The following MAP3K5 variants were observed in gnomAD, a reference collection of about 807,000 sequenced individuals.
MAP3K5 encodes the protein mitogen-activated protein kinase kinase kinase 5, also known as ASK-1.
Under a neutral mutation model 158.7 loss-of-function variants are expected in MAP3K5, and 56 were observed. The observed-to-expected ratio is 0.35, with a 90% CI of 0.28 to 0.44. MAP3K5 has a LOEUF of 0.44. Among genes scored for constraint, MAP3K5 ranks in the 20% least tolerant of loss-of-function variants. MAP3K5 has a pLI of 1.00. For missense variants in MAP3K5, 1,294 were observed against 1,674.8 expected (o/e 0.77, Z 3.97); for synonymous variants, 579 against 601.7 (o/e 0.96, Z 0.55).
chr6:136,667,926 T>C (rs563971497), intron 8 of MAP3K5, among the ~76,000 whole-genome samples: 1 of 152,256 alleles, frequency 6.6e-6, no homozygotes, highest in South Asian at 2.1e-4. Context: ...TACTTTATCA[T>C]TCTTTTAGTC....
At chr6:136,640,559 C>G (rs919826959) in intron 12 of MAP3K5, among the ~76,000 whole-genome samples, 1 of 152,208 alleles carries the variant, frequency 6.6e-6, no homozygotes, top group Admixed American at 6.5e-5. Flanking sequence ...GAAAGACTTC[C>G]TCTTACACCT....
At chr6:136,689,454 C>T (rs1041201580) in intron 7 of MAP3K5, among the ~76,000 whole-genome samples, 1 of 152,142 alleles carries the variant, frequency 6.6e-6, no homozygotes, top group Non-Finnish European at 1.5e-5. Context: ...CTCCTTCTCC[C>T]CATTACCCTA....
intron 1 of MAP3K5, 37 bp downstream of exon 1, chr6:136,791,673 C>T (rs1406268357): frequency 3.7e-6 from 6 of 1,607,928 alleles, no homozygotes; most frequent in Admixed American, 1.7e-5. Flanking sequence ...AACGCGGGTC[C>T]CGACCGCGCG....
At position 136,707,718 on chromosome 6, in the gene MAP3K5, C is replaced by T. The variant is rs114931917; in HGVS notation, c.589-2585G>A. 5.1e-3 allele frequency among the ~76,000 whole-genome samples: 772 copies of T among 152,290 alleles called. 5 individuals are homozygous for T. Among genetic ancestry groups the T allele is most frequent in the African/African-American group, 0.017 (688 of 41,550 alleles). ...TGCTCTGTGAGCACCTGGCAGTCAA[C>T]GTGTTTTTTAAGGTGAGTGATATGT... On this transcript the variant is annotated intron_variant, in intron 2 of 29. Transcript: ENST00000359015.
chr6:136,671,109 A>G (rs1200552558), intron 7 of MAP3K5, among the ~76,000 whole-genome samples: 2 of 152,330 alleles, frequency 1.3e-5, no homozygotes, highest in East Asian at 1.9e-4. Flanking sequence ...CTACCAATTC[A>G]TATCAAGATA....
At chr6:136,628,890 A>AG (rs1340347088) in intron 14 of MAP3K5, among the ~76,000 whole-genome samples, 1 of 152,222 alleles carries the variant, frequency 6.6e-6, no homozygotes, top group African/African-American at 2.4e-5. Context: ...AAGAAACAAG[A>AG]GACTGGTTCA....
At chr6:136,637,097 T>C (rs1395988264) in intron 14 of MAP3K5, 19 of 1,388,100 alleles carry the variant, frequency 1.4e-5, no homozygotes, top group Non-Finnish European at 1.6e-5. Flanking sequence ...AGTTACTCGC[T>C]ATCAGGTAAG....
chr6:136,596,605 G>C (rs1775643848), intron 21 of MAP3K5, among the ~76,000 whole-genome samples: 1 of 152,232 alleles, frequency 6.6e-6, no homozygotes, highest in Non-Finnish European at 1.5e-5. Flanking sequence ...GGGAGAGGCA[G>C]AAGCTGGAGG....
At chr6:136,767,033 T>C (rs1783995081) in intron 1 of MAP3K5, among the ~76,000 whole-genome samples, 1 of 152,208 alleles carries the variant, frequency 6.6e-6, no homozygotes, top group Non-Finnish European at 1.5e-5. Flanking sequence ...TGATAAATTA[T>C]ATGACCTCTA....
chr6:136,689,457 T>C (rs797001451), intron 7 of MAP3K5, among the ~76,000 whole-genome samples: 40 of 152,270 alleles, frequency 2.6e-4, no homozygotes, highest in African/African-American at 9.6e-4. Flanking sequence ...CTTCTCCCCA[T>C]TACCCTACTT....
chr6:136,689,985 A>T (rs574869837), intron 7 of MAP3K5, among the ~76,000 whole-genome samples: 15 of 152,132 alleles, frequency 9.9e-5, no homozygotes, highest in African/African-American at 1.9e-4. Flanking sequence ...ATTTTTTTTT[A>T]AAATCAAGGA....
intron 1 of MAP3K5, among the ~76,000 whole-genome samples, chr6:136,730,283 C>A (rs1202764446): frequency 1.3e-5 from 2 of 151,756 alleles, no homozygotes; most frequent in African/African-American, 4.8e-5. Flanking sequence ...CAGGTGTGAG[C>A]CACCACAACT....
In MAP3K5 at chr6:136,774,131, A is replaced by G. The variant is rs149805207; in HGVS notation, c.448+17579T>C. On this transcript the variant is annotated intron_variant, in intron 1 of 29. Coordinates refer to ENST00000359015, the MANE Select transcript of MAP3K5 (RefSeq NM_005923.4). ...TCATTATCCTTCAAAACCCAGTTCA[A>G]ATGTCACCTCCTGTCCAATGTCTTA... Among the ~76,000 whole-genome samples the G allele has an allele frequency of 6.2e-3, 949 of 152,214 alleles. 3 individuals are homozygous for G. The highest frequency in any genetic ancestry group is 8.9e-3 in the Non-Finnish European group (602 of 68,018).
intron 1 of MAP3K5, among the ~76,000 whole-genome samples, chr6:136,742,367 C>T (rs1782745971): frequency 6.6e-6 from 1 of 150,436 alleles, no homozygotes; most frequent in Admixed American, 6.6e-5. Context: ...GAAGCAGAGG[C>T]AATATAATGA....
chr6:136,691,684 T>C (rs1242315105), intron 7 of MAP3K5, among the ~76,000 whole-genome samples: 1 of 152,222 alleles, frequency 6.6e-6, no homozygotes, highest in Non-Finnish European at 1.5e-5. Context: ...CATCTCTTTC[T>C]TTCCTCTGCT....
At chr6:136,657,320 T>C (rs1267232156) in intron 9 of MAP3K5, among the ~76,000 whole-genome samples, 2 of 152,228 alleles carry the variant, frequency 1.3e-5, no homozygotes, top group Non-Finnish European at 2.9e-5. Context: ...ACTATAAACA[T>C]GGAAGTTAAC....
At chr6:136,611,249 C>T (rs1243701279) in intron 18 of MAP3K5, 33 bp downstream of exon 18, 1 of 1,313,858 alleles carries the variant, frequency 7.6e-7, no homozygotes, top group African/African-American at 1.5e-5. Context: ...TCTTTAATTA[C>T]ATAAGATCTG....
At chr6:136,741,603 A>C (rs1782711708) in intron 1 of MAP3K5, among the ~76,000 whole-genome samples, 1 of 152,146 alleles carries the variant, frequency 6.6e-6, no homozygotes, top group Non-Finnish European at 1.5e-5. Context: ...GTCCCCTGTC[A>C]CCACTCCTTT....
At chr6:136,695,742 C>G (rs1400895354) in intron 6 of MAP3K5, among the ~76,000 whole-genome samples, 2 of 152,130 alleles carry the variant, frequency 1.3e-5, no homozygotes, top group African/African-American at 4.8e-5. Flanking sequence ...AATATACCAA[C>G]AGTGTGCGAC....
Sources: gnomAD v4.1 joint callset for allele counts (sites outside exome capture counted in the v4.1 genomes callset) on GRCh38, gnomAD v4.1.1 for gene constraint, MANE v1.5 for transcripts, NCBI Gene and HGNC (gene_info 2026-07-23, HGNC 2026-07-21) for gene names.